Variants in ACACB observed in about 807,000 individuals in gnomAD.
The protein encoded by ACACB is acetyl-CoA carboxylase beta, also known as acetyl-CoA carboxylase 2.
Under a neutral mutation model 278.8 loss-of-function variants are expected in ACACB, and 209 were observed. The observed-to-expected ratio is 0.75, with a 90% CI of 0.67 to 0.84. ACACB has a LOEUF of 0.84. Ranked by LOEUF, ACACB falls within the 40% of genes least tolerant of loss-of-function variation. ACACB has a pLI of 0.00. For missense variants in ACACB, 2,850 were observed against 3,269.0 expected (o/e 0.87, Z 3.13); for synonymous variants, 1,174 against 1,285.6 (o/e 0.91, Z 1.86).
At chr12:109,222,724 C>A in intron 25 of ACACB, 75 bp from the exon 26 acceptor site, 7 of 1,525,096 alleles carry the variant, frequency 4.6e-6, no homozygotes, top group Non-Finnish European at 6.3e-6. Context: ...ACCGTGCTGC[C>A]GGCCCGTGCC....
chr12:109,166,899 G>C lies in ACACB; in HGVS notation c.692G>C (p.Arg231Pro). The change falls in exon 3 of 53, where the codon CGG becomes CCG. Residue 231 changes from arginine to proline, a missense_variant. Around this residue, in one of 3 missense-constraint regions of ACACB, gnomAD observed 2,265 missense variants for 2,561.3 expected, o/e 0.88. Coordinates refer to ENST00000338432, the MANE Select transcript of ACACB (RefSeq NM_001093.4). ...MSGLHLVKRG[R>P]EHKKLDLHRD... ...GGACTCCACCTGGTGAAGAGGGGAC[G>C]GGAACACAAGAAGCTGGACCTGCAC... 1 of 1,614,006 alleles carries C rather than the reference G, an allele frequency of 6.2e-7. No individual in the cohort carries two copies. Among genetic ancestry groups the C allele is most frequent in the Non-Finnish European group, 8.5e-7 (1 of 1,180,012 alleles).
Position 109,159,622 on chromosome 12 carries a change from G to A in ACACB, c.654-7239G>A, listed in dbSNP as rs906047208. On this transcript the variant is annotated intron_variant, in intron 2 of 52. Coordinates refer to ENST00000338432, the MANE Select transcript of ACACB (RefSeq NM_001093.4). ...CAGTCTACCAGAGTTTCTAAACTGCGGCTCTGTTGACACTTGGGGCTGTCC... is the reference window on the plus strand; with the variant it reads ...CAGTCTACCAGAGTTTCTAAACTGCAGCTCTGTTGACACTTGGGGCTGTCC... Among the ~76,000 whole-genome samples, 8 of 152,120 alleles carry A rather than the reference G, an allele frequency of 5.3e-5. No individual in the cohort carries two copies. The East Asian group carries it at 5.8e-4, about 11-fold the overall frequency.
At chr12:109,119,269 G>C (rs2042480222) in intron 1 of ACACB, among the ~76,000 whole-genome samples, 1 of 151,900 alleles carries the variant, frequency 6.6e-6, no homozygotes, top group Non-Finnish European at 1.5e-5. Context: ...ACCCTTGCTG[G>C]GGCCCCAGAA....
chr12:109,258,699 C>T (rs1413706787), intron 46 of ACACB, among the ~76,000 whole-genome samples: 1 of 152,164 alleles, frequency 6.6e-6, no homozygotes, highest in Non-Finnish European at 1.5e-5. Flanking sequence ...GTTCCAGGGC[C>T]GGCTTTACCC....
chr12:109,241,641 C>T, intron 36 of ACACB: 3 of 286,636 alleles, frequency 1.0e-5, no homozygotes, highest in Non-Finnish European at 2.1e-5. Context: ...GCCACCACGC[C>T]TGGCCATATG....
rs559766631 is a variant in ACACB at position 109,258,489 on chromosome 12, C to G, written c.6360+125C>G. 9 of 710,712 alleles carry G rather than the reference C, an allele frequency of 1.3e-5. No homozygotes were observed. The South Asian group carries it at 1.6e-4, about 13-fold the overall frequency. The allele number at this position is 710,712 out of a possible 1,614,324, so 44.0% of individuals were successfully genotyped here. A position where few individuals can be genotyped will look rare whatever the true frequency, so the allele number is the denominator to read the frequency against. On this transcript the variant is annotated intron_variant, in intron 46 of 52. Coordinates refer to ENST00000338432, the MANE Select transcript of ACACB (RefSeq NM_001093.4). ...GGAGAAGCAGGGGACCCAGTGCAGT[C>G]CCTGGCCCTGGGGGGCTCAGTGCCT...
At position 109,260,130 on chromosome 12, in the gene ACACB, G is replaced by A. The variant is rs141061258; in HGVS notation, c.6497-350G>A. ...AAGGGCCATGTTGCCCATGCACATT[G>A]GGGAAGGATCAGTGTGACTGTTAGT... On this transcript the variant is annotated intron_variant, in intron 47 of 52. Transcript: ENST00000338432. The A allele has an allele frequency of 4.0e-4, 550 of 1,384,488 alleles. 4 individuals are homozygous for A. The Middle Eastern group carries it at 5.9e-3, about 15-fold the overall frequency. The allele number at this position is 1,384,488 out of a possible 1,614,324, so 85.8% of individuals were successfully genotyped here.
chr12:109,148,845 T>A (rs1282329265), intron 2 of ACACB, among the ~76,000 whole-genome samples: 2 of 152,200 alleles, frequency 1.3e-5, no homozygotes, highest in Non-Finnish European at 2.9e-5. Context: ...AGAGGGACTG[T>A]AAAGAGTGTC....
chr12:109,258,740 C>G (rs1023329529), intron 46 of ACACB, among the ~76,000 whole-genome samples: 2 of 152,170 alleles, frequency 1.3e-5, no homozygotes, highest in South Asian at 4.1e-4. Context: ...GAGCTTGGCA[C>G]CCCTCGGAGC....
Position 109,264,213 on chromosome 12 carries a change from C to T in ACACB, c.6788-19C>T, listed in dbSNP as rs1200120264. 2 of 1,612,854 alleles carry T rather than the reference C, an allele frequency of 1.2e-6. No homozygotes were observed. The highest frequency in any genetic ancestry group is 1.3e-5 in the African/African-American group (1 of 74,882). On this transcript the variant is annotated intron_variant, in intron 49 of 52. Transcript: ENST00000338432. ...TGACCAGCTTCCATGGCTTGACTGG[C>T]CTTTCTGCTCACCTGCAGGGGAACC... is the stretch of plus-strand genomic sequence containing the variant.
intron 2 of ACACB, among the ~76,000 whole-genome samples, chr12:109,151,952 T>C (rs1014864797): frequency 6.6e-6 from 1 of 152,226 alleles, no homozygotes; most frequent in Non-Finnish European, 1.5e-5. Flanking sequence ...TGAATATTAT[T>C]CATTTCTTTC....
intron 21 of ACACB, among the ~76,000 whole-genome samples, chr12:109,211,020 C>T (rs1400218497): frequency 3.3e-5 from 5 of 151,478 alleles, no homozygotes; most frequent in African/African-American, 4.8e-5. Context: ...ATCGGCCTCG[C>T]GTTGTTCATT....
In ACACB at chr12:109,176,012, G is replaced by T; in HGVS notation, c.1298G>T (p.Cys433Phe). 1 of 1,614,212 alleles carries T rather than the reference G, an allele frequency of 6.2e-7. No homozygotes were observed. Among genetic ancestry groups the T allele is most frequent in the Non-Finnish European group, 8.5e-7 (1 of 1,180,038 alleles). ...CCAGAAGATGTTTATGACAAGGGTTGCGTGAAAGACGTAGATGAGGGCTTG... is the reference window on the plus strand; with the variant it reads ...CCAGAAGATGTTTATGACAAGGGTTTCGTGAAAGACGTAGATGAGGGCTTG... ...SVPEDVYDKG[C>F]VKDVDEGLEA... Residue 433 changes from cysteine (C) to phenylalanine (F), a missense_variant, in exon 8 of 53, where the codon TGC becomes TTC. By Grantham distance (205) the Cys-to-Phe change is radical (BLOSUM62 -2). Around this residue, in one of 3 missense-constraint regions of ACACB, gnomAD observed 2,265 missense variants for 2,561.3 expected, o/e 0.88. Transcript: ENST00000338432.
intron 25 of ACACB, 79 bp from the exon 26 acceptor site, chr12:109,222,720 C>T (rs1217016847): frequency 6.5e-7 from 1 of 1,528,706 alleles, no homozygotes; most frequent in Non-Finnish European, 9.0e-7. Context: ...TCCCACCGTG[C>T]TGCCGGCCCG....
chr12:109,152,120 A>C (rs371563641), intron 2 of ACACB, among the ~76,000 whole-genome samples: 10 of 152,316 alleles, frequency 6.6e-5, no homozygotes, highest in African/African-American at 2.4e-4. Context: ...TTAGCAGAGA[A>C]GTGAGAATAT....
At chr12:109,227,572 A>C in intron 28 of ACACB, 83 bp downstream of exon 28, 1 of 1,385,956 alleles carries the variant, frequency 7.2e-7, no homozygotes, top group Non-Finnish European at 1.0e-6. Context: ...AGGACCTGGC[A>C]AGTGTGTTTG....
intron 50 of ACACB, 128 bp downstream of exon 50, chr12:109,264,514 G>C (rs1337354019): frequency 8.3e-7 from 1 of 1,210,186 alleles, no homozygotes; most frequent in Admixed American, 2.1e-5. Context: ...CAGGAGGTGG[G>C]AGTCACCTGG....
chr12:109,207,781 C>T (rs774144870), intron 20 of ACACB, among the ~76,000 whole-genome samples: 1 of 152,128 alleles, frequency 6.6e-6, no homozygotes, highest in Non-Finnish European at 1.5e-5. Context: ...CAGGTTCAAG[C>T]GATTCTCCTG....
chr12:109,222,993 C>T, intron 26 of ACACB, 81 bp downstream of exon 26: 1 of 1,130,970 alleles, frequency 8.8e-7, no homozygotes, highest in East Asian at 2.6e-5. Flanking sequence ...ACGGCTCCTC[C>T]TGCCCTCCAG....
Sources: allele counts gnomAD v4.1 joint callset (sites outside exome capture counted in the v4.1 genomes callset), GRCh38; gene constraint gnomAD v4.1.1; regional missense constraint gnomAD v4.1.1; transcripts MANE v1.5; gene names NCBI Gene and HGNC (gene_info 2026-07-23, HGNC 2026-07-21).